SYCP2: variants seen among roughly 807,000 people sequenced by gnomAD.
SYCP2 encodes synaptonemal complex protein 2.
In SYCP2, 55 loss-of-function variants were observed where a neutral mutation model predicts 211.3. The ratio of observed to expected loss-of-function variants is 0.26; its 90% CI spans 0.21 to 0.33. The LOEUF is 0.33. Ranked by LOEUF, SYCP2 falls within the 10% of genes least tolerant of loss-of-function variation. The pLI is 1.00. For missense variants in SYCP2, 1,731 were observed against 1,752.0 expected (o/e 0.99, Z 0.21); for synonymous variants, 570 against 555.2 (o/e 1.03, Z -0.37).
chr20:59,916,656 G>A (rs2145857350), intron 7 of SYCP2, 85 bp from the exon 8 acceptor site: 1 of 917,646 alleles, frequency 1.1e-6, no homozygotes, highest in Non-Finnish European at 1.8e-6. Flanking sequence ...TTAGTGGAAA[G>A]GGGCCAGGCA....
chr20:59,895,793 ATTAAT>A lies in SYCP2; in HGVS notation c.1505-201_1505-197del, dbSNP rs2059997041. Among the ~76,000 whole-genome samples the A allele has an allele frequency of 2.0e-5, 3 of 152,200 alleles. 1 individual carries two copies. Among genetic ancestry groups the A allele is most frequent in the African/African-American group, 7.2e-5 (3 of 41,558 alleles). ...AAAAATTTGCAGGAAGGGTGGAAAG[ATTAAT>A]TTAATTTTGGACCTATTACATTTGG... On this transcript the variant is annotated intron_variant, in intron 19 of 44. Transcript: ENST00000357552.
intron 18 of SYCP2, among the ~76,000 whole-genome samples, chr20:59,898,520 A>G (rs1403693880): frequency 6.6e-6 from 1 of 152,120 alleles, no homozygotes; most frequent in Non-Finnish European, 1.5e-5. Flanking sequence ...TTAAGAACAC[A>G]TGAACACAGG....
intron 19 of SYCP2, 113 bp downstream of exon 19, chr20:59,896,316 A>G: frequency 3.4e-6 from 2 of 596,014 alleles, no homozygotes; most frequent in Non-Finnish European, 5.8e-6. Context: ...TATTTTATCA[A>G]TTTTTATACA....
chr20:59,879,860 TATAC>T (rs1555874452), intron 31 of SYCP2, among the ~76,000 whole-genome samples: 13 of 120,606 alleles, frequency 1.1e-4, no homozygotes, highest in South Asian at 7.6e-4. Context: ...TATATATATA[TATAC>T]ACACACACAC....
chr20:59,895,067 A>G (rs1233192667), intron 20 of SYCP2, among the ~76,000 whole-genome samples: 1 of 152,050 alleles, frequency 6.6e-6, no homozygotes, highest in East Asian at 1.9e-4. Flanking sequence ...CTTAGTATCT[A>G]ATTTTCATGC....
chr20:59,915,426 G>T (rs1173881900), intron 9 of SYCP2, 39 bp downstream of exon 9: 2 of 1,338,948 alleles, frequency 1.5e-6, no homozygotes, highest in African/African-American at 1.5e-5. Context: ...CATTCTTATG[G>T]ATTTTAAGAA....
At chr20:59,912,131 G>A (rs934923944) in intron 13 of SYCP2, 2 of 417,550 alleles carry the variant, frequency 4.8e-6, no homozygotes, top group African/African-American at 2.1e-5. Flanking sequence ...ATCAATAATG[G>A]TCTTAAGGAA....
rs755847054 is a variant in SYCP2 at position 59,912,410 on chromosome 20, G to C, written c.839C>G (p.Thr280Arg). 2.8e-6 allele frequency: 3 copies of C among 1,068,752 alleles called. No homozygotes were observed. Among genetic ancestry groups the C allele is most frequent in the Non-Finnish European group, 4.1e-6 (3 of 740,560 alleles). 66.2% of individuals were successfully genotyped at this position (1,068,752 alleles called of 1,614,324 possible). A position where few individuals can be genotyped will look rare whatever the true frequency, so the allele number is the denominator to read the frequency against. Residue 280 changes from threonine (T) to arginine (R), a missense_variant, in exon 13 of 45, where the codon ACA (threonine) becomes AGA (arginine). Coordinates refer to ENST00000357552, the MANE Select transcript of SYCP2 (RefSeq NM_014258.4). ...GMLGDKRRVFTFPCLSAFLDK... is the reference protein window; with the variant it reads ...GMLGDKRRVFRFPCLSAFLDK... ...AAGAAATGCTGATAAACAAGGAAAT[G>C]TAAAGACCCTGAAATAAAAAGTAGT...
At chr20:59,923,103 T>C (rs2060571326) in intron 2 of SYCP2, among the ~76,000 whole-genome samples, 2 of 151,926 alleles carry the variant, frequency 1.3e-5, no homozygotes, top group African/African-American at 4.8e-5. Flanking sequence ...TATTGCAATA[T>C]GGCTAATAGA....
intron 15 of SYCP2, among the ~76,000 whole-genome samples, chr20:59,903,240 G>A (rs187397541): frequency 2.9e-4 from 44 of 152,116 alleles, no homozygotes; most frequent in Admixed American, 1.5e-3. Context: ...TTTTTAATTA[G>A]TTAGTGTTAC....
chr20:59,923,892 G>A (rs1488600861), intron 2 of SYCP2, among the ~76,000 whole-genome samples: 2 of 151,806 alleles, frequency 1.3e-5, no homozygotes, highest in East Asian at 1.9e-4. Context: ...CACAAAGTAA[G>A]GTGATAGATT....
intron 36 of SYCP2, among the ~76,000 whole-genome samples, chr20:59,869,365 C>T (rs1020562118): frequency 2.9e-4 from 44 of 151,734 alleles, no homozygotes; most frequent in African/African-American, 1.1e-3. Flanking sequence ...CCTACCCATC[C>T]ACTTAGGTCT....
Position 59,874,001 on chromosome 20 carries a change from A to C in SYCP2, c.3410T>G (p.Ile1137Arg). 6.2e-7 allele frequency: 1 copy of C among 1,612,842 alleles called. No individual in the cohort carries two copies. The highest frequency in any genetic ancestry group is 2.2e-5 in the East Asian group (1 of 44,812). The change falls in exon 35 of 45, where the codon ATA becomes AGA. Residue 1137 changes from isoleucine to arginine, a missense_variant. By Grantham distance (97) the Ile-to-Arg change is moderately conservative (BLOSUM62 -3). This residue lies in a region of SYCP2 where 1,387 missense variants were observed against 1,351.3 expected (regional missense o/e 1.03). Transcript: ENST00000357552. ...TQDYDCITKS[I>R]SPYPKTSSLE... is the part of the protein sequence containing the mutation. ...TGATGAAGTTTTTGGATAAGGTGAT[A>C]TAGATTTTGTTATGCAGTCATAATC...
At position 59,881,474 on chromosome 20, in the gene SYCP2, T is replaced by C. The variant is rs1483483124; in HGVS notation, c.2677A>G (p.Thr893Ala). The change falls in exon 29 of 45, where the codon ACA becomes GCA. Residue 893 changes from threonine to alanine, a missense_variant. Around this residue, in one of 3 missense-constraint regions of SYCP2, gnomAD observed 1,387 missense variants for 1,351.3 expected, o/e 1.03. Coordinates refer to ENST00000357552, the MANE Select transcript of SYCP2 (RefSeq NM_014258.4). ...IKLGIQEFQATAKEACADRSI... is the reference protein window; with the variant it reads ...IKLGIQEFQAAAKEACADRSI... Reference sequence around the variant, plus strand: ...CTATCCGCACAAGCTTCTTTAGCTGTAGCTTGAAACTCTTGGATCTATATT... The same window carrying C: ...CTATCCGCACAAGCTTCTTTAGCTGCAGCTTGAAACTCTTGGATCTATATT... 6.5e-7 allele frequency: 1 copy of C among 1,537,080 alleles called. No homozygotes were observed. Among genetic ancestry groups the C allele is most frequent in the Non-Finnish European group, 8.8e-7 (1 of 1,135,120 alleles).
chr20:59,884,156 G>T (rs2059741104), intron 26 of SYCP2, among the ~76,000 whole-genome samples: 1 of 151,848 alleles, frequency 6.6e-6, no homozygotes, highest in African/African-American at 2.4e-5. Flanking sequence ...CTAAATTTTG[G>T]TGATGCCATC....
intron 2 of SYCP2, among the ~76,000 whole-genome samples, chr20:59,924,142 TAAG>T (rs558466050): frequency 1.1e-4 from 16 of 152,028 alleles, no homozygotes; most frequent in African/African-American, 3.9e-4. Context: ...ATCTTATAAT[TAAG>T]GAGGGGAAGT....
Position 59,892,104 on chromosome 20 carries a change from A to G in SYCP2, c.2250T>C (p.Asn750=). Residue 750 remains asparagine (N), a synonymous_variant, in exon 24 of 45, where the codon AAT becomes AAC. Transcript: ENST00000357552. ...RKKYILSKDV[N]TATCDKNPSA... is the part of the protein sequence containing the mutation. Reference sequence around the variant, plus strand: ...ATGGATTTTTATCGCAAGTAGCAGTATTCACATCTTTTGACAATATGTATT... The same window carrying G: ...ATGGATTTTTATCGCAAGTAGCAGTGTTCACATCTTTTGACAATATGTATT... 1 of 1,612,332 alleles carries G rather than the reference A, an allele frequency of 6.2e-7. No homozygotes were observed. The highest frequency in any genetic ancestry group is 8.5e-7 in the Non-Finnish European group (1 of 1,179,004).
chr20:59,919,471 G>A (rs754617837), intron 6 of SYCP2, 22 bp downstream of exon 6: 4 of 1,432,372 alleles, frequency 2.8e-6, no homozygotes, highest in Non-Finnish European at 3.9e-6. Flanking sequence ...ATAAATATCA[G>A]TGTAATCAAT....
intron 24 of SYCP2, among the ~76,000 whole-genome samples, chr20:59,887,146 C>T (rs112320420): frequency 1.3e-5 from 2 of 151,944 alleles, no homozygotes; most frequent in Non-Finnish European, 2.9e-5. Flanking sequence ...TGCTATCCCT[C>T]CCCCCTTCCC....
Sources: gnomAD v4.1 joint callset for allele counts (sites outside exome capture counted in the v4.1 genomes callset) on GRCh38, gnomAD v4.1.1 for gene constraint, gnomAD v4.1.1 regional missense constraint, MANE v1.5 for transcripts, NCBI Gene and HGNC (gene_info 2026-07-23, HGNC 2026-07-21) for gene names.